The following SLC24A2 variants were observed in gnomAD, a reference collection of about 807,000 sequenced individuals.
The protein encoded by SLC24A2 is solute carrier family 24 member 2, also known as sodium/potassium/calcium exchanger 2.
SLC24A2 carries 36 observed loss-of-function variants against 62.0 expected under a neutral mutation model. The observed-to-expected ratio is 0.58, with a 90% CI of 0.44 to 0.77. The LOEUF is 0.77. Among genes scored for constraint, SLC24A2 ranks in the 30% least tolerant of loss-of-function variants. The pLI, the probability that SLC24A2 is intolerant of heterozygous loss-of-function variation, is 0.00. For synonymous variants in SLC24A2, 358 were observed against 294.0 expected (o/e 1.22, Z -2.23); for missense variants, 846 against 817.9 (o/e 1.03, Z -0.42).
chr9:20,057,488 C>G, the SLC24A2 span, among the ~76,000 whole-genome samples: 1 of 152,106 alleles, frequency 6.6e-6, no homozygotes. Flanking sequence ...AGAGTTGGAG[C>G]TGTGGCTAAA....
chr9:20,203,938 C>T, the SLC24A2 span, among the ~76,000 whole-genome samples: 114 of 151,282 alleles, frequency 7.5e-4, no homozygotes, highest in African/African-American at 2.6e-3. Context: ...ATGGGTGAAA[C>T]TCTTTTCCTA....
At chr9:19,643,128 C>A (rs1818550433) in intron 2 of SLC24A2, among the ~76,000 whole-genome samples, 1 of 151,146 alleles carries the variant, frequency 6.6e-6, no homozygotes, top group African/African-American at 2.4e-5. Context: ...TTTTGCATAT[C>A]AAATGTAAGT....
At chr9:19,855,356 G>A in the SLC24A2 span, among the ~76,000 whole-genome samples, 2 of 152,176 alleles carry the variant, frequency 1.3e-5, no homozygotes, top group East Asian at 3.9e-4. Flanking sequence ...TTATTTTGCA[G>A]ACTTGTTAAT....
intron 8 of SLC24A2, among the ~76,000 whole-genome samples, chr9:19,542,161 G>A (rs189580540): frequency 0.016 from 2,384 of 152,232 alleles, 75 homozygotes; most frequent in African/African-American, 0.055. Context: ...GAAATCACCC[G>A]TCTTCTGCGT....
chr9:20,043,354 G>T, the SLC24A2 span, among the ~76,000 whole-genome samples: 1 of 152,208 alleles, frequency 6.6e-6, no homozygotes, highest in Non-Finnish European at 1.5e-5. Flanking sequence ...CAGCCCATGT[G>T]TCAAGCAGTA....
the SLC24A2 span, among the ~76,000 whole-genome samples, chr9:19,861,154 T>C: frequency 1.3e-5 from 2 of 152,168 alleles, no homozygotes; most frequent in Non-Finnish European, 2.9e-5. Context: ...GTTGGCTTTA[T>C]GTGTGATCCA....
At chr9:20,064,232 C>A in the SLC24A2 span, among the ~76,000 whole-genome samples, 1 of 152,032 alleles carries the variant, frequency 6.6e-6, no homozygotes, top group Non-Finnish European at 1.5e-5. Flanking sequence ...AGGATACATA[C>A]TGTATGATTC....
At chr9:20,033,815 A>G in the SLC24A2 span, among the ~76,000 whole-genome samples, 1 of 152,164 alleles carries the variant, frequency 6.6e-6, no homozygotes, top group East Asian at 1.9e-4. Context: ...TTTTTAGCAT[A>G]TGATCAGGAA....
the SLC24A2 span, among the ~76,000 whole-genome samples, chr9:20,206,107 G>A: frequency 6.6e-6 from 1 of 152,144 alleles, no homozygotes; most frequent in Non-Finnish European, 1.5e-5. Flanking sequence ...ATGTGACAGA[G>A]TATAAAAAGT....
chr9:20,040,037 G>A, the SLC24A2 span, among the ~76,000 whole-genome samples: 2 of 152,152 alleles, frequency 1.3e-5, no homozygotes, highest in Non-Finnish European at 2.9e-5. Flanking sequence ...TATAAAATAA[G>A]GTTGAAATTA....
chr9:20,278,562 T>A, the SLC24A2 span, among the ~76,000 whole-genome samples: 14,338 of 152,204 alleles, frequency 0.094, 1,416 homozygotes, highest in African/African-American at 0.25. Flanking sequence ...GTTCCCAACA[T>A]GTTCCTCATC....
the SLC24A2 span, among the ~76,000 whole-genome samples, chr9:19,947,006 G>A: frequency 2.6e-5 from 4 of 152,190 alleles, no homozygotes; most frequent in Admixed American, 6.5e-5. Flanking sequence ...CCTGTCAATA[G>A]CAAGCTCCCA....
In SLC24A2 at chr9:19,599,789, C is replaced by T. The variant is rs546786097; in HGVS notation, c.1079-2510G>A. Reference sequence around the variant, plus strand: ...CTACAGCCCATGATGCCTCCTGGAACGTACCCTTGCCCACTGTCTATTGAC... The same window carrying T: ...CTACAGCCCATGATGCCTCCTGGAATGTACCCTTGCCCACTGTCTATTGAC... On this transcript the variant is annotated intron_variant, in intron 4 of 10. Coordinates refer to ENST00000341998, the MANE Select transcript of SLC24A2 (RefSeq NM_020344.4). The surrounding 1 kb of genome is among the most constrained non-coding windows in gnomAD (Gnocchi z 4.5). Among the ~76,000 whole-genome samples, 2 of 152,308 alleles carry T rather than the reference C, an allele frequency of 1.3e-5. No homozygotes were observed. Among genetic ancestry groups the T allele is most frequent in the East Asian group, 1.9e-4 (1 of 5,188 alleles).
the SLC24A2 span, among the ~76,000 whole-genome samples, chr9:20,202,847 G>C: frequency 6.6e-6 from 1 of 152,210 alleles, no homozygotes; most frequent in Non-Finnish European, 1.5e-5. Context: ...ATAGAAAGCA[G>C]TAATTTCCAG....
the SLC24A2 span, among the ~76,000 whole-genome samples, chr9:19,874,078 T>TC: frequency 9.5e-5 from 4 of 42,312 alleles, no homozygotes; most frequent in South Asian, 1.1e-3. Flanking sequence ...TTCTTTTCTT[T>TC]TTTTTTTTTT....
intron 2 of SLC24A2, among the ~76,000 whole-genome samples, chr9:19,662,005 T>G (rs1327705046): frequency 6.6e-6 from 1 of 152,234 alleles, no homozygotes; most frequent in Admixed American, 6.5e-5. Flanking sequence ...TGAGCCTTAC[T>G]CATTCTTTAC....
chr9:19,572,902 A>G (rs1331529765), intron 7 of SLC24A2, among the ~76,000 whole-genome samples: 2 of 152,196 alleles, frequency 1.3e-5, no homozygotes, highest in African/African-American at 4.8e-5. Flanking sequence ...TGGTTTCTCT[A>G]TTACTTAACA....
the SLC24A2 span, among the ~76,000 whole-genome samples, chr9:20,283,361 G>A: frequency 6.6e-6 from 1 of 152,160 alleles, no homozygotes; most frequent in Non-Finnish European, 1.5e-5. Flanking sequence ...CCTGCATGGG[G>A]GTTGGAGGGA....
At chr9:19,613,639 G>A (rs1288803716) in intron 4 of SLC24A2, among the ~76,000 whole-genome samples, 1 of 152,146 alleles carries the variant, frequency 6.6e-6, no homozygotes, top group East Asian at 1.9e-4. Context: ...AGAAGTGGTA[G>A]CAGTAGTAGT....
Sources: gnomAD v4.1 joint callset for allele counts (sites outside exome capture counted in the v4.1 genomes callset) on GRCh38, gnomAD v4.1.1 for gene constraint, Gnocchi (gnomAD v3.1) non-coding constraint, MANE v1.5 for transcripts, NCBI Gene and HGNC (gene_info 2026-07-23, HGNC 2026-07-21) for gene names.